The following NLRC5 variants were observed in gnomAD, a reference collection of about 807,000 sequenced individuals.
The protein encoded by NLRC5 is protein NLRC5.
A neutral mutation model predicts 206.9 loss-of-function variants in NLRC5; 114 were observed. That is an observed-to-expected ratio of 0.55 (90% confidence interval 0.47 to 0.64). The LOEUF is 0.64. Ranked by LOEUF, NLRC5 falls within the 30% of genes least tolerant of loss-of-function variation. The pLI is 0.00. For missense variants in NLRC5, 2,008 were observed against 2,305.5 expected, an observed-to-expected ratio of 0.87 and a Z score of 2.64; for synonymous variants, 952 against 962.8, an observed-to-expected ratio of 0.99 and a Z score of 0.21.
intron 47 of NLRC5, 96 bp from the exon 48 acceptor site, chr16:57,081,431 C>T (rs2145174162): frequency 1.7e-6 from 2 of 1,185,518 alleles, no homozygotes; most frequent in Non-Finnish European, 2.5e-6. Flanking sequence ...AGACTGTGTC[C>T]CCTGACCTTG....
At chr16:57,032,824 C>T (rs2062033167) in intron 11 of NLRC5, among the ~76,000 whole-genome samples, 1 of 131,276 alleles carries the variant, frequency 7.6e-6, no homozygotes, top group African/African-American at 2.8e-5. Flanking sequence ...AGTGAGACCC[C>T]CATCTCTACA....
At position 57,082,992 on chromosome 16, in the gene NLRC5, C is replaced by G. The variant is rs1290026811; in HGVS notation, c.*464C>G. 6.5e-6 allele frequency: 1 copy of G among 153,974 alleles called. No individual in the cohort carries two copies. Among genetic ancestry groups the G allele is most frequent in the Non-Finnish European group, 1.4e-5 (1 of 69,298 alleles). 9.5% of individuals were successfully genotyped at this position (153,974 alleles called of 1,614,324 possible). On this transcript the variant is annotated 3_prime_UTR_variant, in exon 49 of 49. Transcript: ENST00000688547. ...TCATGGCTGGCCAGATGACCTCAGG[C>G]TGGCCCAAGATCTAATTTATTAATT...
At chr16:57,077,548 C>G (rs150933187) in intron 41 of NLRC5, among the ~76,000 whole-genome samples, 169 bp downstream of exon 41, 2 of 152,130 alleles carry the variant, frequency 1.3e-5, no homozygotes, top group South Asian at 4.1e-4. Flanking sequence ...CTTAAGCCAC[C>G]CCAGCCCCTG....
intron 36 of NLRC5, among the ~76,000 whole-genome samples, chr16:57,068,431 C>CG (rs1480998707): frequency 8.8e-6 from 1 of 113,796 alleles, no homozygotes; most frequent in Non-Finnish European, 2.1e-5. Flanking sequence ...GCTCGGTTTC[C>CG]GAAAAAAAAA....
At chr16:56,999,295 C>T (rs1409469427) in intron 1 of NLRC5, among the ~76,000 whole-genome samples, 1 of 152,168 alleles carries the variant, frequency 6.6e-6, no homozygotes, top group Non-Finnish European at 1.5e-5. Context: ...TATTCTGGGC[C>T]CCAAGGCTGT....
intron 1 of NLRC5, among the ~76,000 whole-genome samples, chr16:57,014,935 T>TG (rs1282189991): frequency 1.3e-5 from 2 of 150,972 alleles, no homozygotes; most frequent in Admixed American, 6.6e-5. Context: ...TCCTTTTTTT[T>TG]TTTGTTTGTT....
In NLRC5 at chr16:57,023,920, C is replaced by T. The variant is rs1318854052; in HGVS notation, c.424+67C>T. On this transcript the variant is annotated intron_variant, in intron 5 of 48. Transcript: ENST00000688547. ...GTTGCCTGGGGGCCAAGACCCGGACCCTGGACCTTGTCCCCTGCCAATAAG... is the reference window on the plus strand; with the variant it reads ...GTTGCCTGGGGGCCAAGACCCGGACTCTGGACCTTGTCCCCTGCCAATAAG... The T allele has an allele frequency of 1.6e-5, 23 of 1,424,050 alleles. No homozygotes were observed. In the African/African-American group the frequency reaches 2.0e-4, roughly 12 times the overall value. 88.2% of individuals were successfully genotyped at this position (1,424,050 alleles called of 1,614,324 possible).
chr16:56,999,045 A>G (rs2057955041), intron 1 of NLRC5, among the ~76,000 whole-genome samples: 1 of 152,230 alleles, frequency 6.6e-6, no homozygotes, highest in Admixed American at 6.5e-5. Context: ...GGGTTCTGGC[A>G]AGAGCCCTTT....
intron 46 of NLRC5, 56 bp downstream of exon 46, chr16:57,079,685 C>G (rs529398818): frequency 4.7e-6 from 7 of 1,494,846 alleles, no homozygotes; most frequent in Admixed American, 1.7e-5. Flanking sequence ...CGGGAGGGGT[C>G]GGGGGAGTTG....
At chr16:57,073,639 G>T (rs974756305) in intron 38 of NLRC5, among the ~76,000 whole-genome samples, 3 of 152,112 alleles carry the variant, frequency 2.0e-5, no homozygotes, top group Admixed American at 1.3e-4. Flanking sequence ...CGTTGCCCAG[G>T]CTGGAGTGCA....
Position 57,041,963 on chromosome 16 carries a change from C to A in NLRC5, c.3030-19C>A. On this transcript the variant is annotated intron_variant, in intron 18 of 48. Coordinates refer to ENST00000688547, the MANE Select transcript of NLRC5 (RefSeq NM_001384950.1). ...TCCCCACCTGCTAATGTTCTCCCCTCCCTTCTCCCCACCCCCAGCTTCTCA... is the reference window on the plus strand; with the variant it reads ...TCCCCACCTGCTAATGTTCTCCCCTACCTTCTCCCCACCCCCAGCTTCTCA... 1.3e-6 allele frequency: 2 copies of A among 1,544,730 alleles called. No individual in the cohort carries two copies. The highest frequency in any genetic ancestry group is 1.4e-5 in the African/African-American group (1 of 72,108).
intron 1 of NLRC5, among the ~76,000 whole-genome samples, chr16:56,999,570 A>C (rs1213430247): frequency 2.0e-5 from 3 of 152,174 alleles, no homozygotes; most frequent in African/African-American, 7.2e-5. Context: ...GGACTTCCAA[A>C]CCTTGGTTTT....
At chr16:56,998,730 T>C (rs1480346134) in intron 1 of NLRC5, among the ~76,000 whole-genome samples, 17 of 152,380 alleles carry the variant, frequency 1.1e-4, no homozygotes, top group African/African-American at 3.8e-4. Context: ...GATATCATGT[T>C]GTGCATATCA....
At chr16:57,012,545 T>C (rs1277487551) in intron 1 of NLRC5, among the ~76,000 whole-genome samples, 2 of 152,154 alleles carry the variant, frequency 1.3e-5, no homozygotes, top group African/African-American at 2.4e-5. Context: ...CTGCCTCCTG[T>C]CGGATCAGCG....
chr16:57,001,757 A>G (rs961858899), intron 1 of NLRC5, among the ~76,000 whole-genome samples: 1 of 152,170 alleles, frequency 6.6e-6, no homozygotes, highest in Non-Finnish European at 1.5e-5. Flanking sequence ...AAACAATTCA[A>G]TTATACTTTT....
At chr16:57,040,903 G>C (rs376725625) in intron 17 of NLRC5, among the ~76,000 whole-genome samples, 185 bp downstream of exon 17, 2 of 152,000 alleles carry the variant, frequency 1.3e-5, no homozygotes, top group South Asian at 2.1e-4. Flanking sequence ...CCCCAGACAG[G>C]GCTCACAAGG....
chr16:57,022,247 C>G lies in NLRC5; in HGVS notation c.296-9C>G, dbSNP rs2060751862. The stretch of plus-strand genomic sequence containing the variant: ...CCCATACCACATTATACTCTCCCCT[C>G]TCTTGCAGGGTTCACCAGCCAGCTG... On this transcript the variant is annotated splice_polypyrimidine_tract_variant and intron_variant, in intron 3 of 48. Coordinates refer to ENST00000688547, the MANE Select transcript of NLRC5 (RefSeq NM_001384950.1). 2 of 1,610,562 alleles carry G rather than the reference C, an allele frequency of 1.2e-6. No individual in the cohort carries two copies. The highest frequency in any genetic ancestry group is 1.3e-5 in the African/African-American group (1 of 74,890).
chr16:57,030,437 A>G (rs1276180166), intron 10 of NLRC5, among the ~76,000 whole-genome samples: 1 of 14,712 alleles, frequency 6.8e-5, no homozygotes, highest in African/African-American at 2.2e-4. Context: ...GGTGGATGAA[A>G]AGATGGATGG....
chr16:57,003,494 C>T (rs1410033215), intron 1 of NLRC5, among the ~76,000 whole-genome samples: 1 of 152,188 alleles, frequency 6.6e-6, no homozygotes, highest in Non-Finnish European at 1.5e-5. Flanking sequence ...TGCCCGGATG[C>T]CCCCACTCAC....
Sources: gnomAD v4.1 joint callset for allele counts (sites outside exome capture counted in the v4.1 genomes callset) on GRCh38, gnomAD v4.1.1 for gene constraint, MANE v1.5 for transcripts, NCBI Gene and HGNC (gene_info 2026-07-23, HGNC 2026-07-21) for gene names.